PDE12: variants seen among roughly 807,000 people sequenced by gnomAD.
PDE12 encodes the protein phosphodiesterase 12.
Under a neutral mutation model 45.4 loss-of-function variants are expected in PDE12, and 26 were observed. The ratio of observed to expected loss-of-function variants is 0.57; its 90% CI spans 0.42 to 0.79. PDE12 has a LOEUF of 0.79. PDE12 is among the 30% of genes least tolerant of loss of function. PDE12 has a pLI of 0.00. For synonymous variants in PDE12, 283 were observed against 323.9 expected, an observed-to-expected ratio of 0.87 and a Z score of 1.36; for missense variants, 668 against 790.0, an observed-to-expected ratio of 0.85 and a Z score of 1.85.
chr3:57,650,380 ATAATT>A, the PDE12 span, among the ~76,000 whole-genome samples: 2 of 151,492 alleles, frequency 1.3e-5, no homozygotes, highest in East Asian at 1.9e-4. Flanking sequence ...TTAATAAAAA[ATAATT>A]TAATATATGA....
chr3:57,614,534 T>TA, the PDE12 span, among the ~76,000 whole-genome samples: 2 of 126,978 alleles, frequency 1.6e-5, no homozygotes, highest in African/African-American at 3.1e-5. Flanking sequence ...TTTTTTTTTT[T>TA]TTGTTTTTTG....
the PDE12 span, among the ~76,000 whole-genome samples, chr3:57,602,224 C>G: frequency 6.6e-6 from 1 of 152,124 alleles, no homozygotes; most frequent in African/African-American, 2.4e-5. Context: ...TTGTTCTCTG[C>G]GAGACTGATT....
chr3:57,607,254 TCAAAGAC>T, the PDE12 span, among the ~76,000 whole-genome samples: 1 of 151,908 alleles, frequency 6.6e-6, no homozygotes, highest in Non-Finnish European at 1.5e-5. Context: ...ATCACCATCA[TCAAAGAC>T]CAAAGGTAGA....
At position 57,559,820 on chromosome 3, in the gene PDE12, A is replaced by G; in HGVS notation, c.1646A>G (p.Tyr549Cys). Residue 549 changes from tyrosine (Y) to cysteine (C), a missense_variant, in exon 3 of 3, where the codon TAC becomes TGC. Coordinates refer to ENST00000311180, the MANE Select transcript of PDE12 (RefSeq NM_177966.7). ...KLKSACGEPA[Y>C]TNYVGGFHGC... ...AAAAGTGCTTGTGGTGAACCTGCTT[A>G]CACAAATTATGTTGGTGGCTTTCAT... 6.2e-7 allele frequency: 1 copy of G among 1,614,194 alleles called. No individual in the cohort carries two copies. The highest frequency in any genetic ancestry group is 8.5e-7 in the Non-Finnish European group (1 of 1,180,026).
chr3:57,558,400 G>A (rs572298345), intron 1 of PDE12, among the ~76,000 whole-genome samples: 1 of 152,158 alleles, frequency 6.6e-6, no homozygotes, highest in African/African-American at 2.4e-5. Context: ...TGACTCCAAA[G>A]CCTGTGCTTA....
chr3:57,652,656 T>G, the PDE12 span, among the ~76,000 whole-genome samples: 2 of 152,198 alleles, frequency 1.3e-5, no homozygotes, highest in Non-Finnish European at 2.9e-5. Context: ...AACAATTAAC[T>G]TATCAGTGGA....
downstream of PDE12, among the ~76,000 whole-genome samples, chr3:57,570,211 A>G (rs2069823837): frequency 7.1e-6 from 1 of 139,878 alleles, no homozygotes; most frequent in South Asian, 2.3e-4. Context: ...CCTTTTGGTT[A>G]ATCCAGTGTT....
the PDE12 span, among the ~76,000 whole-genome samples, chr3:57,611,913 C>T: frequency 6.6e-6 from 1 of 152,146 alleles, no homozygotes; most frequent in Non-Finnish European, 1.5e-5. Context: ...ATAAATCATG[C>T]TGCTATAAAG....
the PDE12 span, among the ~76,000 whole-genome samples, chr3:57,576,840 T>TATAA: frequency 6.6e-6 from 1 of 152,160 alleles, no homozygotes; most frequent in Non-Finnish European, 1.5e-5. Flanking sequence ...TCCTTATCCT[T>TATAA]AAATGGTTAC....
chr3:57,648,265 A>AG, the PDE12 span, among the ~76,000 whole-genome samples: 4 of 152,192 alleles, frequency 2.6e-5, no homozygotes, highest in Non-Finnish European at 5.9e-5. Flanking sequence ...GCTGCAATAC[A>AG]TAAAATACTA....
the PDE12 span, among the ~76,000 whole-genome samples, chr3:57,583,099 G>A: frequency 9.2e-5 from 14 of 152,176 alleles, no homozygotes; most frequent in Non-Finnish European, 1.5e-4. Context: ...GAATAACCCA[G>A]CCCAAAATGT....
At chr3:57,611,114 C>G in the PDE12 span, among the ~76,000 whole-genome samples, 1 of 152,040 alleles carries the variant, frequency 6.6e-6, no homozygotes, top group African/African-American at 2.4e-5. Context: ...ACAAACCTGA[C>G]AAAAACAAGA....
At chr3:57,628,335 T>G in the PDE12 span, 2 of 1,614,020 alleles carry the variant, frequency 1.2e-6, no homozygotes, top group South Asian at 1.1e-5. Context: ...GTGCTCTCGA[T>G]CAGCCTGCAA....
At chr3:57,594,773 T>C in the PDE12 span, among the ~76,000 whole-genome samples, 1 of 152,212 alleles carries the variant, frequency 6.6e-6, no homozygotes, top group African/African-American at 2.4e-5. Context: ...ACATTAATAA[T>C]TCCAACAGTT....
At chr3:57,590,978 G>T in the PDE12 span, among the ~76,000 whole-genome samples, 1 of 152,082 alleles carries the variant, frequency 6.6e-6, no homozygotes, top group Non-Finnish European at 1.5e-5. Context: ...ATACATTTTT[G>T]GACTTTAATT....
the PDE12 span, among the ~76,000 whole-genome samples, chr3:57,611,185 G>C: frequency 6.6e-6 from 1 of 152,152 alleles, no homozygotes. Context: ...GCCATACGTA[G>C]AAAGCTGAAA....
chr3:57,594,623 T>C, the PDE12 span, among the ~76,000 whole-genome samples: 1 of 152,248 alleles, frequency 6.6e-6, no homozygotes, highest in Admixed American at 6.5e-5. Flanking sequence ...TTCTCCATAG[T>C]AGTTTGGCAA....
chr3:57,645,554 T>C, the PDE12 span: 1 of 729,696 alleles, frequency 1.4e-6, no homozygotes. Flanking sequence ...CCTCAAACTT[T>C]CCTTTTATAA....
chr3:57,557,198 G>T lies in PDE12; in HGVS notation c.819G>T (p.Gly273=). ...AAAGTGTGTGTGTGGTAGAGGCTGG[G>T]CCTGGCACCTGCACTTTTGACCACC... ...ELESVCVVEA[G]PGTCTFDHRH... is the part of the protein sequence containing the mutation. The change falls in exon 1 of 3, where the codon GGG becomes GGT. Residue 273 remains glycine, a synonymous_variant. Transcript: ENST00000311180. 6.2e-7 allele frequency: 1 copy of T among 1,613,970 alleles called. No homozygotes were observed. Among genetic ancestry groups the T allele is most frequent in the South Asian group, 1.1e-5 (1 of 91,078 alleles).
Sources: gnomAD v4.1 joint callset for allele counts (sites outside exome capture counted in the v4.1 genomes callset) on GRCh38, gnomAD v4.1.1 for gene constraint, MANE v1.5 for transcripts, NCBI Gene and HGNC (gene_info 2026-07-23, HGNC 2026-07-21) for gene names.